Variants in CHM observed in about 807,000 individuals in gnomAD.
The protein encoded by CHM is CHM Rab escort protein, also known as rab proteins geranylgeranyltransferase component A 1.
A neutral mutation model predicts 49.0 loss-of-function variants in CHM; 10 were observed. That is an observed-to-expected ratio of 0.20 (90% CI 0.13 to 0.35). The LOEUF (loss-of-function observed/expected upper bound fraction) is 0.35, where lower values mean the gene tolerates loss of function less well. Ranked by LOEUF, CHM falls within the 10% of genes least tolerant of loss-of-function variation. The pLI is 1.00. For synonymous variants in CHM, 184 were observed against 167.5 expected (o/e 1.10, Z -0.76); for missense variants, 455 against 478.4 (o/e 0.95, Z 0.46).
intron 4 of CHM, chrX:85,971,160 G>A (rs1409211713): frequency 2.0e-5 from 15 of 750,889 alleles, no homozygotes; most frequent in Non-Finnish European, 2.4e-5. Flanking sequence ...ATACTTTGAC[G>A]TATTTTCCAA....
intron 11 of CHM, among the ~76,000 whole-genome samples, chrX:85,895,837 A>G (rs1925794235): frequency 9.0e-6 from 1 of 111,433 alleles, no homozygotes; most frequent in African/African-American, 3.3e-5. Flanking sequence ...AAATGAGTAC[A>G]ACTAAAAACA....
chrX:85,930,975 T>C (rs1928392926), intron 8 of CHM, among the ~76,000 whole-genome samples: 1 of 111,694 alleles, frequency 9.0e-6, no homozygotes, highest in Admixed American at 9.6e-5. Flanking sequence ...GATACCATAT[T>C]GAGCAATATG....
At chrX:85,878,029 C>A (rs746525947) in intron 13 of CHM, among the ~76,000 whole-genome samples, 9 of 112,152 alleles carry the variant, frequency 8.0e-5, no homozygotes, top group Admixed American at 4.7e-4. Context: ...CTTCTTTTAT[C>A]ATTTACACAG....
intron 14 of CHM, among the ~76,000 whole-genome samples, chrX:85,867,996 T>C (rs1265992561): frequency 2.8e-5 from 3 of 108,698 alleles, no homozygotes; most frequent in African/African-American, 1.0e-4. Context: ...AGTTAACACG[T>C]CCATCACCAC....
intron 8 of CHM, among the ~76,000 whole-genome samples, chrX:85,923,156 C>G (rs1927889652): frequency 1.8e-5 from 2 of 112,143 alleles, no homozygotes; most frequent in Admixed American, 1.9e-4. Context: ...CCGATTCCTC[C>G]CACTTACCAG....
At chrX:85,910,351 T>G (rs1926853552) in intron 9 of CHM, among the ~76,000 whole-genome samples, 1 of 111,437 alleles carries the variant, frequency 9.0e-6, no homozygotes, top group Non-Finnish European at 1.9e-5. Context: ...AAAAATACTA[T>G]TTAACTATAT....
At chrX:85,901,338 A>C in intron 9 of CHM, 150 bp from the exon 10 acceptor site, 1 of 426,545 alleles carries the variant, frequency 2.3e-6, no homozygotes, top group Non-Finnish European at 4.1e-6. Context: ...TCTGACACAA[A>C]ACTGACAGTA....
At chrX:85,950,890 C>A (rs73506435) in intron 8 of CHM, among the ~76,000 whole-genome samples, 2 of 111,174 alleles carry the variant, frequency 1.8e-5, no homozygotes, top group Non-Finnish European at 3.8e-5. Context: ...AAAAAGATAT[C>A]TTTGTAACTT....
chrX:86,041,399 C>G (rs766748775), intron 1 of CHM, among the ~76,000 whole-genome samples: 4 of 110,748 alleles, frequency 3.6e-5, no homozygotes, highest in Non-Finnish European at 5.7e-5. Context: ...TTTTTCAGAA[C>G]AGCAAAATCT....
At chrX:85,994,892 A>C (rs1378826767) in intron 2 of CHM, among the ~76,000 whole-genome samples, 1 of 112,073 alleles carries the variant, frequency 8.9e-6, no homozygotes, top group African/African-American at 3.2e-5. Context: ...TGTATGTAGA[A>C]GCAGTACATT....
At chrX:85,992,836 T>C in intron 2 of CHM, among the ~76,000 whole-genome samples, 1 of 112,420 alleles carries the variant, frequency 8.9e-6, no homozygotes, top group East Asian at 2.8e-4. Context: ...GGCAATCAGA[T>C]CAGCCTGCCA....
At chrX:85,886,256 T>C (rs1170872162) in intron 12 of CHM, among the ~76,000 whole-genome samples, 7 of 112,146 alleles carry the variant, frequency 6.2e-5, no homozygotes, top group Non-Finnish European at 1.1e-4. Flanking sequence ...AATAAGCATA[T>C]TTAGCATTTT....
intron 1 of CHM, among the ~76,000 whole-genome samples, chrX:86,041,030 A>G (rs1934436940): frequency 8.9e-6 from 1 of 112,209 alleles, no homozygotes; most frequent in African/African-American, 3.2e-5. Context: ...CAGGTCAATT[A>G]TATGGAATTA....
At chrX:86,036,151 G>C in intron 1 of CHM, among the ~76,000 whole-genome samples, 1 of 110,959 alleles carries the variant, frequency 9.0e-6, no homozygotes, top group South Asian at 3.9e-4. Context: ...ACCACAGCCC[G>C]TGACACAGCC....
At chrX:85,897,012 A>C (rs1925900435) in intron 11 of CHM, among the ~76,000 whole-genome samples, 1 of 93,734 alleles carries the variant, frequency 1.1e-5, no homozygotes, top group Non-Finnish European at 2.0e-5. Context: ...TAATACATAT[A>C]ATATATAATA....
chrX:85,912,085 G>A (rs975930739), intron 8 of CHM, among the ~76,000 whole-genome samples: 4 of 111,467 alleles, frequency 3.6e-5, no homozygotes, highest in African/African-American at 1.3e-4. Context: ...TTCTTTGGGT[G>A]GATCCCTGAA....
chrX:85,911,329 A>G lies in CHM; in HGVS notation c.1176T>C (p.Ala392=), dbSNP rs2148169012. Residue 392 remains alanine, a synonymous_variant, in exon 9 of 15, where the codon GCT becomes GCC. Coordinates refer to ENST00000357749, the MANE Select transcript of CHM (RefSeq NM_000390.4). ...GAAGACAATAAATTCCACCAAACAC[A>G]GCACACATCCTAGAAAGAGAACAGA... ...ELPQCFCRMC[A]VFGGIYCLRH... 1 of 1,040,065 alleles carries G rather than the reference A, an allele frequency of 9.6e-7. No homozygotes were observed. The allele number at this position is 1,040,065 out of a possible 1,213,427, so 85.7% of individuals were successfully genotyped here. A position where few individuals can be genotyped will look rare whatever the true frequency, so the allele number is the denominator to read the frequency against.
chrX:85,930,191 A>G (rs1168412812), intron 8 of CHM, among the ~76,000 whole-genome samples: 1 of 112,374 alleles, frequency 8.9e-6, no homozygotes, highest in East Asian at 2.8e-4. Flanking sequence ...GTGTCTGTGT[A>G]TGCATACATA....
At chrX:85,944,512 TC>T (rs1331564946) in intron 8 of CHM, among the ~76,000 whole-genome samples, 2 of 112,295 alleles carry the variant, frequency 1.8e-5, no homozygotes, top group African/African-American at 6.5e-5. Context: ...AGATTCCTTT[TC>T]CATTCCCTCC....
Sources: gnomAD v4.1 joint callset for allele counts (sites outside exome capture counted in the v4.1 genomes callset) on GRCh38, gnomAD v4.1.1 for gene constraint, MANE v1.5 for transcripts, NCBI Gene and HGNC (gene_info 2026-07-23, HGNC 2026-07-21) for gene names.